LRP1B: variants seen among roughly 807,000 people sequenced by gnomAD.
The protein encoded by LRP1B is low-density lipoprotein receptor-related protein 1B.
A neutral mutation model predicts 556.6 loss-of-function variants in LRP1B; 217 were observed. That is an observed-to-expected ratio of 0.39 (90% CI 0.35 to 0.44). The LOEUF is 0.44. LRP1B is among the 20% of genes least tolerant of loss of function. The pLI is 1.00. For missense variants in LRP1B, 5,053 were observed against 5,620.8 expected, an observed-to-expected ratio of 0.90 and a Z score of 3.23; for synonymous variants, 2,047 against 1,865.8, an observed-to-expected ratio of 1.10 and a Z score of -2.50.
intron 1 of LRP1B, among the ~76,000 whole-genome samples, chr2:141,899,139 G>A (rs1176988009): frequency 6.6e-6 from 1 of 152,132 alleles, no homozygotes; most frequent in Non-Finnish European, 1.5e-5. Context: ...ATATGTGAGG[G>A]TGGCAGTGGA....
chr2:141,741,417 A>G (rs570359505), intron 2 of LRP1B, among the ~76,000 whole-genome samples: 1 of 151,956 alleles, frequency 6.6e-6, no homozygotes, highest in South Asian at 2.1e-4. Flanking sequence ...ATTCCTACCA[A>G]TAGTGTACAA....
intron 37 of LRP1B, among the ~76,000 whole-genome samples, chr2:140,713,549 T>A (rs1275421096): frequency 6.6e-6 from 1 of 152,008 alleles, no homozygotes; most frequent in Non-Finnish European, 1.5e-5. Flanking sequence ...TGTATGTTGT[T>A]TGAGGCCAAG....
intron 86 of LRP1B, among the ~76,000 whole-genome samples, chr2:140,260,980 A>G (rs1051647994): frequency 1.3e-5 from 2 of 151,574 alleles, no homozygotes; most frequent in East Asian, 1.9e-4. Flanking sequence ...AGTGTCTGGT[A>G]TATAGTAGTT....
At chr2:141,671,903 C>T (rs72980191) in intron 2 of LRP1B, among the ~76,000 whole-genome samples, 19,379 of 151,302 alleles carry the variant, frequency 0.13, 1,940 homozygotes, top group African/African-American at 0.27. Context: ...CTCTTATATG[C>T]CAGGCACTGG....
At chr2:141,210,049 G>A (rs1419889571) in intron 6 of LRP1B, among the ~76,000 whole-genome samples, 1 of 149,214 alleles carries the variant, frequency 6.7e-6, no homozygotes, top group Admixed American at 6.8e-5. Context: ...AAACCTATAA[G>A]TCACAAGATG....
intron 41 of LRP1B, among the ~76,000 whole-genome samples, chr2:140,686,427 A>T (rs1334153703): frequency 1.3e-5 from 2 of 152,078 alleles, no homozygotes; most frequent in African/African-American, 4.8e-5. Context: ...GTGAAGATTG[A>T]TAAGAAAAGT....
chr2:140,533,955 A>G, intron 47 of LRP1B, 66 bp downstream of exon 47: 1 of 1,577,424 alleles, frequency 6.3e-7, no homozygotes. Flanking sequence ...TCAGAAACGA[A>G]TGTTGGAAAA....
chr2:141,111,595 G>A (rs1237347943), intron 7 of LRP1B, among the ~76,000 whole-genome samples: 1 of 151,976 alleles, frequency 6.6e-6, no homozygotes, highest in African/African-American at 2.4e-5. Flanking sequence ...GCATACTAGG[G>A]GAATACGGTG....
intron 2 of LRP1B, among the ~76,000 whole-genome samples, chr2:141,757,652 A>G (rs1455313831): frequency 2.6e-5 from 4 of 151,982 alleles, no homozygotes; most frequent in Admixed American, 1.3e-4. Flanking sequence ...TCCTGCCTCA[A>G]TCTCCCAAAT....
At chr2:141,156,638 C>G (rs1316947088) in intron 7 of LRP1B, among the ~76,000 whole-genome samples, 4 of 147,668 alleles carry the variant, frequency 2.7e-5, no homozygotes, top group African/African-American at 7.6e-5. Flanking sequence ...AAAAAAAAAT[C>G]AATTCACAAA....
At chr2:141,690,694 A>C (rs1691498000) in intron 2 of LRP1B, among the ~76,000 whole-genome samples, 1 of 151,072 alleles carries the variant, frequency 6.6e-6, no homozygotes, top group Non-Finnish European at 1.5e-5. Context: ...TCTGATACCA[A>C]ACTCTGGTAT....
intron 60 of LRP1B, among the ~76,000 whole-genome samples, chr2:140,464,240 A>T (rs1482809855): frequency 6.6e-6 from 1 of 151,842 alleles, no homozygotes; most frequent in Non-Finnish European, 1.5e-5. Flanking sequence ...AAAGAAATTC[A>T]TACTGTATTT....
intron 32 of LRP1B, among the ~76,000 whole-genome samples, chr2:140,795,818 C>T (rs1690283275): frequency 1.3e-5 from 2 of 152,048 alleles, no homozygotes; most frequent in African/African-American, 4.8e-5. Context: ...CCACTACATT[C>T]CAACATGAGA....
chr2:141,977,250 C>T (rs984450814), intron 1 of LRP1B, among the ~76,000 whole-genome samples: 2 of 152,052 alleles, frequency 1.3e-5, no homozygotes, highest in East Asian at 1.9e-4. Flanking sequence ...TGTTTACTAG[C>T]ATCTATAATC....
At chr2:140,794,514 C>G (rs1690233733) in intron 32 of LRP1B, among the ~76,000 whole-genome samples, 2 of 123,768 alleles carry the variant, frequency 1.6e-5, no homozygotes, top group East Asian at 2.6e-4. Flanking sequence ...CACACACACA[C>G]ACACATATTT....
At chr2:140,407,233 A>C (rs911882853) in intron 66 of LRP1B, among the ~76,000 whole-genome samples, 1 of 152,146 alleles carries the variant, frequency 6.6e-6, no homozygotes, top group African/African-American at 2.4e-5. Context: ...AAAACCATAA[A>C]AATTATAGAA....
intron 32 of LRP1B, among the ~76,000 whole-genome samples, chr2:140,811,171 CG>C (rs1196713464): frequency 6.6e-6 from 1 of 152,100 alleles, no homozygotes; most frequent in Non-Finnish European, 1.5e-5. Flanking sequence ...TTCTGCAAGG[CG>C]GGGTTCCTCT....
intron 2 of LRP1B, among the ~76,000 whole-genome samples, chr2:141,575,783 G>A (rs190642726): frequency 6.7e-6 from 1 of 149,962 alleles, no homozygotes; most frequent in East Asian, 2.0e-4. Flanking sequence ...GTCAAAAAGT[G>A]GCCAAAGATA....
At chr2:141,115,576 C>A (rs1285478055) in intron 7 of LRP1B, among the ~76,000 whole-genome samples, 1 of 150,604 alleles carries the variant, frequency 6.6e-6, no homozygotes, top group African/African-American at 2.4e-5. Flanking sequence ...CCTGCCTCAG[C>A]CTACCGAGTA....
Sources: gnomAD v4.1 joint callset for allele counts (sites outside exome capture counted in the v4.1 genomes callset) on GRCh38, gnomAD v4.1.1 for gene constraint, MANE v1.5 for transcripts, NCBI Gene and HGNC (gene_info 2026-07-23, HGNC 2026-07-21) for gene names.